The following LGSN variants were observed in gnomAD, a reference collection of about 807,000 sequenced individuals.
LGSN encodes lengsin.
In LGSN, 21 loss-of-function variants were observed where a neutral mutation model predicts 19.5. That is an observed-to-expected ratio of 1.07 (90% confidence interval 0.76 to 1.55). LGSN has a LOEUF of 1.55. LGSN is among the 40% of genes most tolerant of loss of function. The probability of loss-of-function intolerance (pLI) is 0.00; values close to 1 mark genes in which losing one functional copy is unlikely to be tolerated. For missense variants in LGSN, 673 were observed against 608.5 expected, an observed-to-expected ratio of 1.11 and a Z score of -1.12; for synonymous variants, 257 against 215.6, an observed-to-expected ratio of 1.19 and a Z score of -1.68.
At chr6:63,364,071 C>T in the LGSN span, among the ~76,000 whole-genome samples, 1 of 152,130 alleles carries the variant, frequency 6.6e-6, no homozygotes, top group Non-Finnish European at 1.5e-5. Flanking sequence ...CAAATTCACA[C>T]ATAACAATAT....
the LGSN span, among the ~76,000 whole-genome samples, chr6:63,408,216 C>T: frequency 4.6e-5 from 7 of 151,954 alleles, no homozygotes; most frequent in South Asian, 2.1e-4. Flanking sequence ...GAGCCCACAT[C>T]GCCAAGTCAA....
the LGSN span, among the ~76,000 whole-genome samples, chr6:63,524,433 T>C: frequency 6.6e-6 from 1 of 152,194 alleles, no homozygotes; most frequent in African/African-American, 2.4e-5. Context: ...TAAGAGGACA[T>C]CAATTTGGGC....
the LGSN span, among the ~76,000 whole-genome samples, chr6:63,452,769 T>A: frequency 6.6e-6 from 1 of 152,106 alleles, no homozygotes; most frequent in Middle Eastern, 3.4e-3. Flanking sequence ...TTTTCTTCTT[T>A]TTTCTGCTTT....
At chr6:63,365,130 A>C in the LGSN span, among the ~76,000 whole-genome samples, 1 of 152,214 alleles carries the variant, frequency 6.6e-6, no homozygotes, top group East Asian at 1.9e-4. Flanking sequence ...CCCTTCAAAA[A>C]ATCAATGAAT....
the LGSN span, among the ~76,000 whole-genome samples, chr6:63,569,791 C>T: frequency 6.6e-6 from 1 of 151,998 alleles, no homozygotes; most frequent in African/African-American, 2.4e-5. Context: ...GTGTTTTCTC[C>T]CTTTTTGATG....
At chr6:63,320,026 A>G (rs988054067), upstream of LGSN, 35 of 1,021,616 alleles carry the variant, frequency 3.4e-5, no homozygotes, top group Non-Finnish European at 4.5e-5. Flanking sequence ...TGTACCTACA[A>G]CAAAGACTGC....
At chr6:63,284,880 G>C (rs577518336) in intron 3 of LGSN, among the ~76,000 whole-genome samples, 1 of 152,278 alleles carries the variant, frequency 6.6e-6, no homozygotes, top group Admixed American at 6.5e-5. Flanking sequence ...TGTGATAAAA[G>C]TGTAATATTT....
the LGSN span, among the ~76,000 whole-genome samples, chr6:63,548,241 G>A: frequency 6.6e-6 from 1 of 152,056 alleles, no homozygotes; most frequent in Non-Finnish European, 1.5e-5. Flanking sequence ...CTGAAGCCAG[G>A]CTTTGAATCC....
At chr6:63,503,082 C>G in the LGSN span, among the ~76,000 whole-genome samples, 1 of 151,604 alleles carries the variant, frequency 6.6e-6, no homozygotes, top group Non-Finnish European at 1.5e-5. Flanking sequence ...TTCCAGTTTC[C>G]ACTTTTCTTC....
At chr6:63,410,883 C>T in the LGSN span, among the ~76,000 whole-genome samples, 2 of 152,190 alleles carry the variant, frequency 1.3e-5, no homozygotes, top group African/African-American at 2.4e-5. Context: ...ATGCTCCAAA[C>T]ATACCACTTC....
the LGSN span, among the ~76,000 whole-genome samples, chr6:63,461,106 C>T: frequency 1.0e-3 from 159 of 152,214 alleles, 1 homozygote; most frequent in African/African-American, 3.7e-3. Context: ...CTTACTCTGT[C>T]GCCCGGGCTG....
chr6:63,378,024 C>T, the LGSN span, among the ~76,000 whole-genome samples: 11 of 134,528 alleles, frequency 8.2e-5, no homozygotes, highest in Admixed American at 7.5e-4. Context: ...GAAGATTAAA[C>T]CAGATTTTTG....
the LGSN span, among the ~76,000 whole-genome samples, chr6:63,344,216 A>G: frequency 6.6e-6 from 1 of 152,226 alleles, no homozygotes; most frequent in Non-Finnish European, 1.5e-5. Context: ...ACACAGTAGT[A>G]GAAAATGAAT....
chr6:63,458,225 G>A, the LGSN span, among the ~76,000 whole-genome samples: 5 of 151,942 alleles, frequency 3.3e-5, no homozygotes, highest in South Asian at 2.1e-4. Flanking sequence ...GTGCCCCCAC[G>A]CCCGGCTAAT....
the LGSN span, among the ~76,000 whole-genome samples, chr6:63,345,263 G>T: frequency 6.6e-6 from 1 of 152,060 alleles, no homozygotes; most frequent in Non-Finnish European, 1.5e-5. Context: ...TAGTAAGGTG[G>T]TTTCTTTTTT....
chr6:63,301,533 T>C (rs1768186056), intron 1 of LGSN, among the ~76,000 whole-genome samples: 1 of 152,136 alleles, frequency 6.6e-6, no homozygotes, highest in Admixed American at 6.5e-5. Context: ...TATGGAAATC[T>C]TGTGTGTTCA....
the LGSN span, among the ~76,000 whole-genome samples, chr6:63,373,840 C>T: frequency 6.6e-6 from 1 of 151,548 alleles, no homozygotes; most frequent in Non-Finnish European, 1.5e-5. Flanking sequence ...AAGGCTGAGG[C>T]ACGAGAATGG....
the LGSN span, chr6:63,571,524 G>C: frequency 6.6e-6 from 1 of 152,162 alleles, no homozygotes; most frequent in African/African-American, 2.4e-5. Flanking sequence ...CAGTAAAAGA[G>C]GACTGAAAAC....
At chr6:63,459,666 C>T in the LGSN span, among the ~76,000 whole-genome samples, 7 of 151,870 alleles carry the variant, frequency 4.6e-5, no homozygotes, top group Non-Finnish European at 8.8e-5. Context: ...CTTTTTTAAG[C>T]TTTACTGGAG....
Sources: allele counts gnomAD v4.1 joint callset (sites outside exome capture counted in the v4.1 genomes callset), GRCh38; gene constraint gnomAD v4.1.1; transcripts MANE v1.5; gene names NCBI Gene and HGNC (gene_info 2026-07-23, HGNC 2026-07-21).